KIRREL3: variants seen among roughly 807,000 people sequenced by gnomAD.
KIRREL3 encodes kin of IRRE-like protein 3.
In KIRREL3, 36 loss-of-function variants were observed where a neutral mutation model predicts 89.7. The observed-to-expected ratio is 0.40, with a 90% confidence interval of 0.31 to 0.53. The LOEUF (loss-of-function observed/expected upper bound fraction) is 0.53. Ranked by LOEUF, KIRREL3 falls within the 20% of genes least tolerant of loss-of-function variation. The probability of loss-of-function intolerance (pLI) is 0.49; values close to 1 mark genes in which losing one functional copy is unlikely to be tolerated. For synonymous variants in KIRREL3, 445 were observed against 441.4 expected, an observed-to-expected ratio of 1.01 and a Z score of -0.10; for missense variants, 864 against 1,056.6, an observed-to-expected ratio of 0.82 and a Z score of 2.53.
chr11:126,474,690 C>T lies in KIRREL3; in HGVS notation c.434-1224G>A, dbSNP rs79520899. Among the ~76,000 whole-genome samples, 2,503 of 152,272 alleles carry T rather than the reference C, an allele frequency of 0.016. 60 individuals are homozygous for T. The highest frequency in any genetic ancestry group is 0.056 in the African/African-American group (2,306 of 41,536). On this transcript the variant is annotated intron_variant, in intron 4 of 16. Coordinates refer to ENST00000525144, the MANE Select transcript of KIRREL3 (RefSeq NM_032531.4). The surrounding 1 kb of genome is among the most constrained non-coding windows in gnomAD (Gnocchi z 6.7). ...CCTGAGTGCCAGGAAGAGGGCCATC[C>T]GCGTCGGAGCACGGTCTCCGCAGTG...
At chr11:126,822,518 C>G (rs1943260288) in intron 1 of KIRREL3, among the ~76,000 whole-genome samples, 1 of 152,074 alleles carries the variant, frequency 6.6e-6, no homozygotes, top group South Asian at 2.1e-4. Context: ...GTGATCTGAC[C>G]CTGGGGACTT....
chr11:126,923,265 TTCTCCTTCTCC>T lies in KIRREL3; in HGVS notation c.55+77179_55+77189del, dbSNP rs1565424265. Reference sequence around the variant, plus strand: ...CTTCTTCTTCTTCTTCTTCTTCTTCTTCTCCTTCTCCTTCTCCTTCTCCTTCTCCTTCTTCC... The same window carrying T: ...CTTCTTCTTCTTCTTCTTCTTCTTCTTTCTCCTTCTCCTTCTCCTTCTTCC... On this transcript the variant is annotated intron_variant, in intron 1 of 16. Coordinates refer to ENST00000525144, the MANE Select transcript of KIRREL3 (RefSeq NM_032531.4). Among the ~76,000 whole-genome samples, 369 of 87,260 alleles carry T rather than the reference TTCTCCTTCTCC, an allele frequency of 4.2e-3. 85 individuals are homozygous for T. Among genetic ancestry groups the T allele is most frequent in the African/African-American group, 8.9e-3 (158 of 17,686 alleles). 57.2% of individuals were successfully genotyped at this position (87,260 alleles called of 152,430 possible). A position where few individuals can be genotyped will look rare whatever the true frequency, so the allele number is the denominator to read the frequency against.
intron 1 of KIRREL3, among the ~76,000 whole-genome samples, chr11:126,868,406 C>A (rs1314175349): frequency 1.3e-5 from 2 of 152,012 alleles, no homozygotes; most frequent in East Asian, 1.9e-4. Context: ...GCTGGTGGGG[C>A]TTTGAGGGAG....
At chr11:126,716,752 G>GC (rs1947979422) in intron 1 of KIRREL3, among the ~76,000 whole-genome samples, 4 of 109,368 alleles carry the variant, frequency 3.7e-5, no homozygotes, top group African/African-American at 1.4e-4. Context: ...GTGTGTTGGG[G>GC]GGGGGGGGAA....
rs1005457330 is a variant in KIRREL3 at position 126,611,290 on chromosome 11, A to G, written c.56-48378T>C. 6.6e-5 allele frequency among the ~76,000 whole-genome samples: 10 copies of G among 152,128 alleles called. No individual in the cohort carries two copies. Among genetic ancestry groups the G allele is most frequent in the African/African-American group, 2.4e-4 (10 of 41,420 alleles). ...TGTTCCTACCACCGCACCCTCTCCC[A>G]TTCCTTTCCTTCTCAATTCTATTGA... On this transcript the variant is annotated intron_variant, in intron 1 of 16. Coordinates refer to ENST00000525144, the MANE Select transcript of KIRREL3 (RefSeq NM_032531.4). This position sits in a 1 kb window ranked among gnomAD's most constrained non-coding sequence, Gnocchi z 4.7.
At chr11:126,534,646 T>G (rs568680922) in intron 2 of KIRREL3, among the ~76,000 whole-genome samples, 14 of 152,302 alleles carry the variant, frequency 9.2e-5, no homozygotes, top group Non-Finnish European at 1.6e-4. Flanking sequence ...GAGAGAGCAC[T>G]GCGCCATCTG....
rs971570398 is a variant in KIRREL3 at position 126,636,305 on chromosome 11, G to A, written c.56-73393C>T. On this transcript the variant is annotated intron_variant, in intron 1 of 16. Transcript: ENST00000525144. The surrounding 1 kb of genome is among the most constrained non-coding windows in gnomAD (Gnocchi z 4.4). ...CTAGTTGTGTTTGCTTGCTACGGAG[G>A]AAATACCCATTTCAAAGAATTGGGA... 6.6e-5 allele frequency among the ~76,000 whole-genome samples: 10 copies of A among 152,156 alleles called. No homozygotes were observed. Among genetic ancestry groups the A allele is most frequent in the African/African-American group, 2.4e-4 (10 of 41,430 alleles).
In KIRREL3 at chr11:126,898,192, C is replaced by T. The variant is rs543946304; in HGVS notation, c.55+102263G>A. Reference sequence around the variant, plus strand: ...TGGAAGTAAAGAGTTAGGATCAAAGCTGTTAGTAACAAGGACAATGAAACA... The same window carrying T: ...TGGAAGTAAAGAGTTAGGATCAAAGTTGTTAGTAACAAGGACAATGAAACA... On this transcript the variant is annotated intron_variant, in intron 1 of 16. Coordinates refer to ENST00000525144, the MANE Select transcript of KIRREL3 (RefSeq NM_032531.4). This position sits in a 1 kb window ranked among gnomAD's most constrained non-coding sequence, Gnocchi z 4.9. 1.6e-4 allele frequency among the ~76,000 whole-genome samples: 24 copies of T among 152,222 alleles called. No individual in the cohort carries two copies. The South Asian group carries it at 4.8e-3, about 30-fold the overall frequency.
At position 126,516,398 on chromosome 11, in the gene KIRREL3, A is replaced by G. The variant is rs1458426686; in HGVS notation, c.433+4917T>C. Among the ~76,000 whole-genome samples, 3 of 152,072 alleles carry G rather than the reference A, an allele frequency of 2.0e-5. No homozygotes were observed. The highest frequency in any genetic ancestry group is 2.1e-4 in the South Asian group (1 of 4,818). On this transcript the variant is annotated intron_variant, in intron 4 of 16. Coordinates refer to ENST00000525144, the MANE Select transcript of KIRREL3 (RefSeq NM_032531.4). The surrounding 1 kb of genome is among the most constrained non-coding windows in gnomAD (Gnocchi z 4.9). ...ACTTCTGATCCCCCCATCCTGCTCT[A>G]CTTTTTCCTTTCCGTAGCATTTATT...
At chr11:126,822,146 C>T (rs1943246792) in intron 1 of KIRREL3, among the ~76,000 whole-genome samples, 1 of 152,146 alleles carries the variant, frequency 6.6e-6, no homozygotes, top group Non-Finnish European at 1.5e-5. Flanking sequence ...TGTCCCTCAG[C>T]TTTCATAAGT....
At position 126,636,984 on chromosome 11, in the gene KIRREL3, A is replaced by G. The variant is rs1390158611; in HGVS notation, c.56-74072T>C. Reference sequence around the variant, plus strand: ...TGTGAAAGTCCCTAGGAGGGTAGGCACTTAGTAATACTAGGCTACCTCCCT... The same window carrying G: ...TGTGAAAGTCCCTAGGAGGGTAGGCGCTTAGTAATACTAGGCTACCTCCCT... On this transcript the variant is annotated intron_variant, in intron 1 of 16. Coordinates refer to ENST00000525144, the MANE Select transcript of KIRREL3 (RefSeq NM_032531.4). This position sits in a 1 kb window ranked among gnomAD's most constrained non-coding sequence, Gnocchi z 4.4. Among the ~76,000 whole-genome samples, 2 of 152,198 alleles carry G rather than the reference A, an allele frequency of 1.3e-5. No homozygotes were observed. Among genetic ancestry groups the G allele is most frequent in the Non-Finnish European group, 2.9e-5 (2 of 68,032 alleles).
At chr11:126,947,732 G>C (rs1456445798) in intron 1 of KIRREL3, among the ~76,000 whole-genome samples, 2 of 152,230 alleles carry the variant, frequency 1.3e-5, no homozygotes, top group Non-Finnish European at 2.9e-5. Context: ...GGGATCCCAT[G>C]GCTTTTCACT....
chr11:126,713,253 C>T (rs1279427705), intron 1 of KIRREL3, among the ~76,000 whole-genome samples: 1 of 152,164 alleles, frequency 6.6e-6, no homozygotes, highest in Non-Finnish European at 1.5e-5. Context: ...GCAGAGGTCA[C>T]AGCCCATGCA....
intron 1 of KIRREL3, among the ~76,000 whole-genome samples, chr11:126,959,893 G>A (rs1463336453): frequency 6.6e-6 from 1 of 152,138 alleles, no homozygotes; most frequent in Non-Finnish European, 1.5e-5. Flanking sequence ...TATAGACCAC[G>A]TGTCACCATT....
At chr11:126,851,919 C>T (rs4935997) in intron 1 of KIRREL3, among the ~76,000 whole-genome samples, 129,000 of 152,042 alleles carry the variant, frequency 0.85, 54,928 homozygotes, top group East Asian at 1. Flanking sequence ...TCCTCTACCT[C>T]GAGGAGAGTA....
intron 1 of KIRREL3, among the ~76,000 whole-genome samples, chr11:126,894,295 T>A (rs183652443): frequency 6.6e-6 from 1 of 152,120 alleles, no homozygotes; most frequent in Non-Finnish European, 1.5e-5. Context: ...GTCCAGGCAT[T>A]GTGTTAGGTG....
At chr11:126,880,108 G>A (rs781428757) in intron 1 of KIRREL3, among the ~76,000 whole-genome samples, 5 of 152,116 alleles carry the variant, frequency 3.3e-5, no homozygotes, top group Admixed American at 2.6e-4. Context: ...ACAGATGTGC[G>A]AATTATCCTT....
intron 1 of KIRREL3, chr11:126,988,655 A>T (rs1949939175): frequency 1.3e-5 from 2 of 152,618 alleles, no homozygotes; most frequent in African/African-American, 4.8e-5. Context: ...TTGACTCTCC[A>T]GTCGAATGAC....
intron 1 of KIRREL3, among the ~76,000 whole-genome samples, chr11:126,660,862 A>T (rs1591902917): frequency 6.6e-6 from 1 of 152,212 alleles, no homozygotes; most frequent in East Asian, 1.9e-4. Context: ...CCATCCTGGC[A>T]GCTATAGGGG....
Sources: gnomAD v4.1 joint callset for allele counts (sites outside exome capture counted in the v4.1 genomes callset) on GRCh38, gnomAD v4.1.1 for gene constraint, Gnocchi (gnomAD v3.1) non-coding constraint, MANE v1.5 for transcripts, NCBI Gene and HGNC (gene_info 2026-07-23, HGNC 2026-07-21) for gene names.